Variants in RAPGEF2 observed in about 807,000 individuals in gnomAD.
The protein encoded by RAPGEF2 is PDZ domain containing guanine nucleotide exchange factor (GEF) 1.
Under a neutral mutation model 186.7 loss-of-function variants are expected in RAPGEF2, and 54 were observed. The ratio of observed to expected loss-of-function variants is 0.29; its 90% confidence interval spans 0.23 to 0.36. The LOEUF (loss-of-function observed/expected upper bound fraction) is 0.36. Among genes scored for constraint, RAPGEF2 ranks in the 10% least tolerant of loss-of-function variants. RAPGEF2 has a pLI of 1.00. For missense variants in RAPGEF2, 1,532 were observed against 2,045.0 expected (o/e 0.75, Z 4.84); for synonymous variants, 712 against 705.9 (o/e 1.01, Z -0.14).
In RAPGEF2 at chr4:159,341,936, T is replaced by G. The variant is rs764095614; in HGVS notation, c.2907T>G (p.Phe969Leu). 6.3e-7 allele frequency: 1 copy of G among 1,592,660 alleles called. No homozygotes were observed. The highest frequency in any genetic ancestry group is 8.5e-7 in the Non-Finnish European group (1 of 1,171,124). Reference sequence around the variant, plus strand: ...AATGCAAGAATTTTAACTCAATGTTTGCAATCATCAGGTAAGAGAGCACAT... The same window carrying G: ...AATGCAAGAATTTTAACTCAATGTTGGCAATCATCAGGTAAGAGAGCACAT... ...CRECKNFNSM[F>L]AIISGLNLAP... The change falls in exon 20 of 30, where the codon TTT becomes TTG. Residue 969 changes from phenylalanine (F) to leucine (L), a missense_variant. By Grantham distance (22) the Phe-to-Leu change is conservative. Around this residue, in one of 4 missense-constraint regions of RAPGEF2, gnomAD observed 810 missense variants for 1,210.5 expected, o/e 0.67. Transcript: ENST00000691494.
intron 1 of RAPGEF2, among the ~76,000 whole-genome samples, chr4:159,104,502 G>GAA (rs1253150331): frequency 9.2e-4 from 114 of 124,172 alleles, no homozygotes; most frequent in Non-Finnish European, 1.7e-3. Flanking sequence ...GAGAGAGAGA[G>GAA]AGAGAGAGAG....
At chr4:159,207,709 G>GT (rs1750126837) in intron 3 of RAPGEF2, among the ~76,000 whole-genome samples, 1 of 152,126 alleles carries the variant, frequency 6.6e-6, no homozygotes, top group Non-Finnish European at 1.5e-5. Flanking sequence ...TTGGGCTAAC[G>GT]TTTTTTGTGA....
chr4:159,225,300 A>G (rs1751919146), intron 4 of RAPGEF2, among the ~76,000 whole-genome samples: 1 of 152,252 alleles, frequency 6.6e-6, no homozygotes, highest in Admixed American at 6.5e-5. Flanking sequence ...TTAGCAAGCC[A>G]TACAATATGT....
chr4:159,350,357 A>ACTCT, intron 26 of RAPGEF2, 68 bp downstream of exon 26: 1 of 1,287,580 alleles, frequency 7.8e-7, no homozygotes, highest in Non-Finnish European at 1.0e-6. Context: ...TAAATTCCAG[A>ACTCT]GTAATGTATT....
chr4:159,155,158 A>C (rs76537058), intron 1 of RAPGEF2, among the ~76,000 whole-genome samples: 3 of 152,202 alleles, frequency 2.0e-5, no homozygotes, highest in Non-Finnish European at 2.9e-5. Context: ...GTGATTCTCA[A>C]ATTAGGGACA....
chr4:159,221,135 G>C (rs1279259160), intron 4 of RAPGEF2, among the ~76,000 whole-genome samples: 2 of 152,196 alleles, frequency 1.3e-5, no homozygotes, highest in African/African-American at 4.8e-5. Context: ...GTTGTAATCA[G>C]TTTTGGTTGC....
chr4:159,343,741 TC>T (rs1429454979), intron 22 of RAPGEF2, among the ~76,000 whole-genome samples: 1 of 152,208 alleles, frequency 6.6e-6, no homozygotes, highest in Non-Finnish European at 1.5e-5. Flanking sequence ...CCCCAAATAG[TC>T]TTGTCTCAAT....
intron 7 of RAPGEF2, among the ~76,000 whole-genome samples, chr4:159,257,228 G>A (rs1017736629): frequency 2.6e-5 from 4 of 152,266 alleles, no homozygotes; most frequent in Non-Finnish European, 5.9e-5. Flanking sequence ...TCACACTGCT[G>A]ATAAAGGCAT....
rs1043701585 is a variant in RAPGEF2, at chr4:159,241,419, G to A, written c.525+51G>A. 49 of 1,201,972 alleles carry A rather than the reference G, an allele frequency of 4.1e-5. No individual in the cohort carries two copies. The Middle Eastern group carries it at 1.4e-3, about 36-fold the overall frequency. The allele number at this position is 1,201,972 out of a possible 1,614,324, so 74.5% of individuals were successfully genotyped here. A position where few individuals can be genotyped will look rare whatever the true frequency, so the allele number is the denominator to read the frequency against. ...TATTTATTTCTAGTTTTTTGTTGGGGTTTTGTGAAAAGATGTTTAAGTTTT... is the reference window on the plus strand; with the variant it reads ...TATTTATTTCTAGTTTTTTGTTGGGATTTTGTGAAAAGATGTTTAAGTTTT... On this transcript the variant is annotated intron_variant, in intron 6 of 29. Transcript: ENST00000691494.
chr4:159,111,085 G>T (rs971463401), intron 1 of RAPGEF2, among the ~76,000 whole-genome samples: 3 of 151,360 alleles, frequency 2.0e-5, no homozygotes, highest in African/African-American at 4.9e-5. Flanking sequence ...TTTAAGAAGC[G>T]TGTGTTTCTT....
Position 159,345,307 on chromosome 4 carries a change from G to T in RAPGEF2, c.3480G>T (p.Gln1160His). The T allele has an allele frequency of 6.2e-7, 1 of 1,614,126 alleles. No homozygotes were observed. The highest frequency in any genetic ancestry group is 8.5e-7 in the Non-Finnish European group (1 of 1,180,012). ...AGAGTCTTCAGACATTATCTCTGCA[G>T]TGTGAGCCAGCAACCAACACATGTG... is the stretch of plus-strand genomic sequence containing the variant. Reference protein sequence around the residue: ...DEESLQTLSLQCEPATNTLPK... With the variant: ...DEESLQTLSLHCEPATNTLPK... Residue 1160 changes from glutamine to histidine, a missense_variant, in exon 24 of 30, where the codon CAG becomes CAT. Transcript: ENST00000691494.
intron 1 of RAPGEF2, among the ~76,000 whole-genome samples, chr4:159,160,260 A>G (rs1299570146): frequency 6.6e-6 from 1 of 152,214 alleles, no homozygotes; most frequent in African/African-American, 2.4e-5. Context: ...TAAAATGTTA[A>G]TAATATCTGA....
chr4:159,333,614 C>G (rs1358007481), intron 17 of RAPGEF2, among the ~76,000 whole-genome samples: 1 of 152,154 alleles, frequency 6.6e-6, no homozygotes, highest in Non-Finnish European at 1.5e-5. Flanking sequence ...GGAGCTCAGC[C>G]AGGCTAGACA....
intron 7 of RAPGEF2, among the ~76,000 whole-genome samples, chr4:159,270,282 A>T (rs534425914): frequency 9.8e-5 from 15 of 152,316 alleles, no homozygotes; most frequent in African/African-American, 3.1e-4. Flanking sequence ...ATTGTATGTG[A>T]GGAGTTGAAT....
intron 1 of RAPGEF2, among the ~76,000 whole-genome samples, chr4:159,135,394 A>G (rs975984191): frequency 1.3e-5 from 2 of 152,082 alleles, no homozygotes; most frequent in Non-Finnish European, 2.9e-5. Context: ...TATAGATAAT[A>G]CTATGTTTTG....
intron 7 of RAPGEF2, among the ~76,000 whole-genome samples, chr4:159,273,796 CTT>C (rs1409937432): frequency 1.3e-5 from 2 of 151,766 alleles, no homozygotes; most frequent in Admixed American, 1.3e-4. Flanking sequence ...CCTGACATTT[CTT>C]TCTCTTTTTT....
chr4:159,310,759 G>T (rs1054108408), intron 8 of RAPGEF2, among the ~76,000 whole-genome samples: 1 of 151,980 alleles, frequency 6.6e-6, no homozygotes, highest in Admixed American at 6.6e-5. Context: ...CTTTCTCCTT[G>T]TTCCTGAAAC....
At chr4:159,318,875 A>G (rs1764914125) in intron 9 of RAPGEF2, among the ~76,000 whole-genome samples, 1 of 152,186 alleles carries the variant, frequency 6.6e-6, no homozygotes, top group Non-Finnish European at 1.5e-5. Flanking sequence ...GTTTTTTTAT[A>G]ATGGTACATT....
intron 4 of RAPGEF2, among the ~76,000 whole-genome samples, chr4:159,234,507 C>G (rs569520842): frequency 1.3e-5 from 2 of 150,138 alleles, no homozygotes; most frequent in South Asian, 4.2e-4. Flanking sequence ...CTCAGCCTCT[C>G]GAGTAGCTGG....
Sources: allele counts gnomAD v4.1 joint callset (sites outside exome capture counted in the v4.1 genomes callset), GRCh38; gene constraint gnomAD v4.1.1; regional missense constraint gnomAD v4.1.1; transcripts MANE v1.5; gene names NCBI Gene and HGNC (gene_info 2026-07-23, HGNC 2026-07-21).